Variants in NXPE4 observed in about 807,000 individuals in gnomAD.
NXPE4 encodes NXPE family member 4.
A neutral mutation model predicts 33.3 loss-of-function variants in NXPE4; 42 were observed. The ratio of observed to expected loss-of-function variants is 1.26; its 90% CI spans 0.98 to 1.63. The LOEUF (loss-of-function observed/expected upper bound fraction) is 1.63, where lower values mean the gene tolerates loss of function less well. Among genes scored for constraint, NXPE4 ranks in the 40% most tolerant of loss-of-function variants. The pLI is 0.00. For missense variants in NXPE4, 709 were observed against 647.6 expected (o/e 1.09, Z -1.03); for synonymous variants, 253 against 234.9 (o/e 1.08, Z -0.71).
the NXPE4 span, among the ~76,000 whole-genome samples, chr11:114,673,605 C>A: frequency 1.0e-3 from 155 of 151,702 alleles, 1 homozygote; most frequent in Admixed American, 8.3e-3. Flanking sequence ...AGAGAAAACT[C>A]AAATTACTAA....
At chr11:114,601,320 A>G in the NXPE4 span, among the ~76,000 whole-genome samples, 1 of 148,834 alleles carries the variant, frequency 6.7e-6, no homozygotes, top group Non-Finnish European at 1.5e-5. Flanking sequence ...CTTAAATCCC[A>G]CTTATAAGTG....
intron 2 of NXPE4, chr11:114,584,282 C>A: frequency 2.0e-6 from 1 of 506,660 alleles, no homozygotes; most frequent in South Asian, 1.5e-5. Flanking sequence ...TATTTCAAGC[C>A]CTACATCAGT....
At chr11:114,596,263 T>C (rs1361203294), upstream of NXPE4, among the ~76,000 whole-genome samples, 6 of 152,158 alleles carry the variant, frequency 3.9e-5, no homozygotes, top group Admixed American at 2.6e-4. Flanking sequence ...GAGTGACAGC[T>C]TGTAGTCATG....
chr11:114,582,830 G>T lies in NXPE4; in HGVS notation c.288C>A (p.Ser96Arg), dbSNP rs376142309. 6.2e-7 allele frequency: 1 copy of T among 1,614,180 alleles called. No homozygotes were observed. Among genetic ancestry groups the T allele is most frequent in the Admixed American group, 1.7e-5 (1 of 60,024 alleles). Residue 96 changes from serine (S) to arginine (R), a missense_variant, in exon 3 of 6, where the codon AGC (serine) becomes AGA (arginine). Coordinates refer to ENST00000375478, the MANE Select transcript of NXPE4 (RefSeq NM_001077639.2). Reference protein sequence around the residue: ...RPFTHVNTTTSATHSTATILN... With the variant: ...RPFTHVNTTTRATHSTATILN... ...GGATGGTGGCTGTGCTATGTGTGGC[G>T]CTGGTGGTGGTGTTCACGTGGGTGA... is the stretch of plus-strand genomic sequence containing the variant.
chr11:114,654,688 T>A, the NXPE4 span, among the ~76,000 whole-genome samples: 1 of 152,216 alleles, frequency 6.6e-6, no homozygotes, highest in South Asian at 2.1e-4. Flanking sequence ...CCATGGTGTA[T>A]ATATACCATA....
At position 114,571,321 on chromosome 11, in the gene NXPE4, G is replaced by A. The variant is rs751420870; in HGVS notation, c.1252C>T (p.Arg418Trp). 8 of 1,613,840 alleles carry A rather than the reference G, an allele frequency of 5.0e-6. No homozygotes were observed. The highest frequency in any genetic ancestry group is 1.3e-5 in the African/African-American group (1 of 74,856). The change falls in exon 6 of 6, where the codon CGG (arginine) becomes TGG (tryptophan). Residue 418 changes from arginine (R) to tryptophan (W), a missense_variant. Physicochemically the swap from Arg to Trp is moderately radical, Grantham distance 101. Coordinates refer to ENST00000375478, the MANE Select transcript of NXPE4 (RefSeq NM_001077639.2). ...YSVKEMEYLT[R>W]AIDRTGGEKN... is the part of the protein sequence containing the mutation. ...TCTCCTCCAGTTCTGTCAATGGCCC[G>A]GGTGAGGTACTCCATCTCTTTGACT...
the NXPE4 span, among the ~76,000 whole-genome samples, chr11:114,603,195 C>T: frequency 4.7e-5 from 7 of 147,978 alleles, no homozygotes; most frequent in South Asian, 2.2e-4. Context: ...AGTATTGCCT[C>T]GTCTCCTAGG....
At chr11:114,650,343 A>G in the NXPE4 span, among the ~76,000 whole-genome samples, 77 of 152,346 alleles carry the variant, frequency 5.1e-4, no homozygotes, top group African/African-American at 1.9e-3. Context: ...TGGGATCACC[A>G]GAAAAGAGGA....
chr11:114,657,858 C>G, the NXPE4 span, among the ~76,000 whole-genome samples: 1 of 152,256 alleles, frequency 6.6e-6, no homozygotes, highest in South Asian at 2.1e-4. Flanking sequence ...ACAGACTGAG[C>G]AAAATCTCTC....
the NXPE4 span, among the ~76,000 whole-genome samples, chr11:114,610,198 A>T: frequency 6.6e-6 from 1 of 151,898 alleles, no homozygotes; most frequent in Admixed American, 6.6e-5. Context: ...CCACGTGGGT[A>T]GCCACTGTTA....
chr11:114,616,571 T>C, the NXPE4 span, among the ~76,000 whole-genome samples: 6 of 151,644 alleles, frequency 4.0e-5, no homozygotes, highest in Admixed American at 2.0e-4. Flanking sequence ...GCCTCATGGG[T>C]AATCACTGTT....
At chr11:114,639,830 A>ATTATATTAAATATAAAATATAATATATG in the NXPE4 span, among the ~76,000 whole-genome samples, 2 of 87,124 alleles carry the variant, frequency 2.3e-5, no homozygotes, top group Admixed American at 2.9e-4. Context: ...TATAATATAT[A>ATTATATTAAATATAAAATATAATATATG]TTATATTAAA....
intron 5 of NXPE4, among the ~76,000 whole-genome samples, chr11:114,576,735 G>C (rs930633548): frequency 5.3e-5 from 8 of 151,978 alleles, no homozygotes; most frequent in African/African-American, 1.7e-4. Context: ...TTACACTGTT[G>C]GTGGGAATGT....
chr11:114,629,718 A>C, the NXPE4 span, among the ~76,000 whole-genome samples: 1 of 151,914 alleles, frequency 6.6e-6, no homozygotes, highest in Admixed American at 6.6e-5. Flanking sequence ...TTAGGAAAAG[A>C]GGAAGTCAAA....
the NXPE4 span, among the ~76,000 whole-genome samples, chr11:114,637,511 G>A: frequency 6.6e-6 from 1 of 151,164 alleles, no homozygotes; most frequent in Admixed American, 6.6e-5. Context: ...TCATTATGAT[G>A]TTAAGTGGTT....
chr11:114,587,164 A>G (rs558129259), intron 2 of NXPE4, among the ~76,000 whole-genome samples: 23 of 152,254 alleles, frequency 1.5e-4, no homozygotes, highest in Admixed American at 1.4e-3. Flanking sequence ...TTCTTTGAAC[A>G]AGAAAACTCT....
chr11:114,582,225 G>A, intron 3 of NXPE4, 63 bp downstream of exon 3: 2 of 1,489,618 alleles, frequency 1.3e-6, no homozygotes, highest in South Asian at 2.8e-5. Context: ...CTTTTCTTTG[G>A]ATCAGTATAT....
chr11:114,628,437 A>G, the NXPE4 span, among the ~76,000 whole-genome samples: 2 of 152,234 alleles, frequency 1.3e-5, no homozygotes, highest in African/African-American at 4.8e-5. Context: ...ACATAACGAA[A>G]TGAAAGCAGA....
At chr11:114,572,762 G>A (rs546777192) in intron 5 of NXPE4, among the ~76,000 whole-genome samples, 135 of 152,226 alleles carry the variant, frequency 8.9e-4, no homozygotes, top group African/African-American at 3.0e-3. Context: ...AGGAAGAAGA[G>A]AAATTTAAAA....
Sources: gnomAD v4.1 joint callset for allele counts (sites outside exome capture counted in the v4.1 genomes callset) on GRCh38, gnomAD v4.1.1 for gene constraint, MANE v1.5 for transcripts, NCBI Gene and HGNC (gene_info 2026-07-23, HGNC 2026-07-21) for gene names.